PRORP: variants seen among roughly 807,000 people sequenced by gnomAD.
PRORP encodes the protein mitochondrial ribonuclease P catalytic subunit.
A neutral mutation model predicts 59.4 loss-of-function variants in PRORP; 51 were observed. That is an observed-to-expected ratio of 0.86 (90% CI 0.69 to 1.08). The LOEUF (loss-of-function observed/expected upper bound fraction) is 1.08. Ranked by LOEUF, PRORP falls within the 50% of genes least tolerant of loss-of-function variation. The probability of loss-of-function intolerance (pLI) is 0.00; values close to 1 mark genes in which losing one functional copy is unlikely to be tolerated. For synonymous variants in PRORP, 231 were observed against 245.6 expected (o/e 0.94, Z 0.55); for missense variants, 646 against 690.3 (o/e 0.94, Z 0.72).
intron 4 of PRORP, among the ~76,000 whole-genome samples, chr14:35,167,700 C>G (rs910057871): frequency 2.6e-5 from 4 of 152,076 alleles, no homozygotes; most frequent in Non-Finnish European, 5.9e-5. Context: ...TATTTTTGTT[C>G]GCATGTTAAG....
intron 4 of PRORP, among the ~76,000 whole-genome samples, chr14:35,164,374 C>A (rs10130047): frequency 0.43 from 65,538 of 152,028 alleles, 14,425 homozygotes; most frequent in East Asian, 0.68. Flanking sequence ...ATAGCAAAGA[C>A]GTGGAATCAA....
intron 5 of PRORP, among the ~76,000 whole-genome samples, chr14:35,243,924 T>G (rs1182579014): frequency 6.6e-6 from 1 of 152,232 alleles, no homozygotes; most frequent in African/African-American, 2.4e-5. Context: ...AAGACTCTTC[T>G]TTTTGGTTTA....
intron 5 of PRORP, among the ~76,000 whole-genome samples, chr14:35,204,961 A>G (rs2049253764): frequency 6.6e-6 from 1 of 152,212 alleles, no homozygotes; most frequent in South Asian, 2.1e-4. Context: ...CAACAGTCTA[A>G]TAAGGTATTA....
rs1555329355 is a variant in PRORP, at chr14:35,218,459, T to TTAAA, written c.1275+37682_1275+37683insTAAA. 9.8e-4 allele frequency among the ~76,000 whole-genome samples: 44 copies of TTAAA among 44,754 alleles called. 3 individuals carry two copies. The highest frequency in any genetic ancestry group is 6.0e-3 in the Admixed American group (14 of 2,342). The allele number at this position is 44,754 out of a possible 152,430, so 29.4% of individuals were successfully genotyped here. A position where few individuals can be genotyped will look rare whatever the true frequency, so the allele number is the denominator to read the frequency against. On this transcript the variant is annotated intron_variant, in intron 5 of 7. Coordinates refer to ENST00000534898, the MANE Select transcript of PRORP (RefSeq NM_014672.4). ...CTGGGCAACAGAGCAAGATCCTGTC[T>TTAAA]AAAAAAAGAAAAAAAAAAAAAAAAA...
chr14:35,270,267 A>G, intron 6 of PRORP, 134 bp from the exon 7 acceptor site: 1 of 750,708 alleles, frequency 1.3e-6, no homozygotes, highest in Non-Finnish European at 2.2e-6. Context: ...GGTGGTTCTT[A>G]AGTATTACTA....
chr14:35,174,733 ATTC>A (rs1357900062), intron 4 of PRORP, among the ~76,000 whole-genome samples: 3 of 142,778 alleles, frequency 2.1e-5, no homozygotes, highest in East Asian at 2.3e-4. Flanking sequence ...TTGACAGTTC[ATTC>A]TTCTTTTTTT....
chr14:35,150,526 T>G (rs2047718935), intron 4 of PRORP, among the ~76,000 whole-genome samples: 1 of 152,210 alleles, frequency 6.6e-6, no homozygotes, highest in African/African-American at 2.4e-5. Flanking sequence ...GTTAAAAAGT[T>G]AAAAGGACAA....
At chr14:35,268,818 A>G (rs1255544137) in intron 6 of PRORP, among the ~76,000 whole-genome samples, 1 of 151,962 alleles carries the variant, frequency 6.6e-6, no homozygotes, top group East Asian at 1.9e-4. Flanking sequence ...CTGGTCTCGA[A>G]CTCCTGACCT....
chr14:35,198,804 G>A (rs1386289424), intron 5 of PRORP, among the ~76,000 whole-genome samples: 4 of 151,624 alleles, frequency 2.6e-5, no homozygotes, highest in African/African-American at 9.7e-5. Context: ...GAGGCTGAGC[G>A]GGCAGATCAC....
At position 35,229,767 on chromosome 14, in the gene PRORP, T is replaced by C. The variant is rs888492086; in HGVS notation, c.1276-36960T>C. On this transcript the variant is annotated intron_variant, in intron 5 of 7. Transcript: ENST00000534898. ...TTTAATGAGAAAGGCTTAATTGACA[T>C]GTTCTTTGTCAATTTTTTTCATTCA... is the stretch of plus-strand genomic sequence containing the variant. Among the ~76,000 whole-genome samples, 5 of 152,188 alleles carry C rather than the reference T, an allele frequency of 3.3e-5. No homozygotes were observed. In the East Asian group the frequency reaches 7.7e-4, roughly 23 times the overall value.
At chr14:35,252,833 ACTTT>A (rs2050648078) in intron 5 of PRORP, among the ~76,000 whole-genome samples, 1 of 152,020 alleles carries the variant, frequency 6.6e-6, no homozygotes, top group South Asian at 2.1e-4. Flanking sequence ...ACACAATCAG[ACTTT>A]CCTATGTTTA....
intron 5 of PRORP, among the ~76,000 whole-genome samples, chr14:35,243,515 G>A (rs1326544631): frequency 4.7e-5 from 7 of 149,658 alleles, no homozygotes; most frequent in Admixed American, 2.0e-4. Flanking sequence ...CAGTCTGGGT[G>A]ACAGAGTGAG....
chr14:35,269,674 GTCATTTTA>G (rs2051136953), intron 6 of PRORP, among the ~76,000 whole-genome samples: 1 of 151,546 alleles, frequency 6.6e-6, no homozygotes, highest in African/African-American at 2.4e-5. Context: ...GGCAAATTTT[GTCATTTTA>G]TCATTTCACT....
At chr14:35,261,764 A>G (rs150157854) in intron 5 of PRORP, among the ~76,000 whole-genome samples, 6 of 152,206 alleles carry the variant, frequency 3.9e-5, no homozygotes, top group East Asian at 1.9e-4. Context: ...AAGTATACCT[A>G]TGACACTGAT....
intron 5 of PRORP, among the ~76,000 whole-genome samples, chr14:35,210,942 T>C (rs1293338762): frequency 6.6e-6 from 1 of 151,752 alleles, no homozygotes. Context: ...TTTTTAAAAA[T>C]TATTTTTTTG....
intron 4 of PRORP, among the ~76,000 whole-genome samples, chr14:35,168,306 G>A (rs1056942998): frequency 1.3e-5 from 2 of 152,182 alleles, no homozygotes; most frequent in Non-Finnish European, 2.9e-5. Context: ...ATTCTAGTGG[G>A]TGTATAATGA....
chr14:35,266,786 G>A lies in PRORP; in HGVS notation c.1335G>A (p.Arg445=). Residue 445 remains arginine (R), a synonymous_variant, in exon 6 of 8, where the codon CGG becomes CGA. Transcript: ENST00000534898. The part of the protein sequence containing the change: ...KRNLRLLVLG[R]KHMLRRSSQW... ...ATCTGCGACTGCTGGTCCTAGGCCG[G>A]AAGCACATGCTAAGACGGAGTTCCC... is the stretch of plus-strand genomic sequence containing the variant. The A allele has an allele frequency of 6.2e-7, 1 of 1,614,144 alleles. No homozygotes were observed. Among genetic ancestry groups the A allele is most frequent in the South Asian group, 1.1e-5 (1 of 91,078 alleles).
At chr14:35,157,838 A>G (rs2047954617) in intron 4 of PRORP, 2 of 155,554 alleles carry the variant, frequency 1.3e-5, no homozygotes, top group Admixed American at 6.5e-5. Context: ...GGATCCAACA[A>G]ACACTGATGT....
chr14:35,140,478 TC>T (rs2047459164), intron 4 of PRORP, among the ~76,000 whole-genome samples: 1 of 145,930 alleles, frequency 6.9e-6, no homozygotes, highest in South Asian at 2.2e-4. Context: ...TTAATTGCCA[TC>T]CATATATCTT....
Sources: allele counts gnomAD v4.1 joint callset (sites outside exome capture counted in the v4.1 genomes callset), GRCh38; gene constraint gnomAD v4.1.1; transcripts MANE v1.5; gene names NCBI Gene and HGNC (gene_info 2026-07-23, HGNC 2026-07-21).